FSHR: variants seen among roughly 807,000 people sequenced by gnomAD.
FSHR encodes follicle stimulating hormone receptor, also known as follicle-stimulating hormone receptor.
Under a neutral mutation model 52.1 loss-of-function variants are expected in FSHR, and 46 were observed. The ratio of observed to expected loss-of-function variants is 0.88; its 90% CI spans 0.70 to 1.13. The LOEUF (loss-of-function observed/expected upper bound fraction) is 1.13. Among genes scored for constraint, FSHR ranks in the 50% most tolerant of loss-of-function variants. FSHR has a pLI of 0.00. For missense variants in FSHR, 964 were observed against 834.6 expected (o/e 1.16, Z -1.91); for synonymous variants, 399 against 309.6 (o/e 1.29, Z -3.03).
At chr2:48,995,629 G>A (rs1391900864) in intron 4 of FSHR, among the ~76,000 whole-genome samples, 1 of 152,066 alleles carries the variant, frequency 6.6e-6, no homozygotes, top group Non-Finnish European at 1.5e-5. Context: ...CACTTTATGG[G>A]GCTGCAAGGG....
At chr2:49,096,750 G>A (rs1412965288) in intron 1 of FSHR, among the ~76,000 whole-genome samples, 1 of 152,096 alleles carries the variant, frequency 6.6e-6, no homozygotes, top group Non-Finnish European at 1.5e-5. Context: ...TTGGAGATGG[G>A]GCCTGGTGGG....
chr2:49,031,637 C>A (rs527594965), intron 2 of FSHR, among the ~76,000 whole-genome samples: 1 of 152,216 alleles, frequency 6.6e-6, no homozygotes, highest in East Asian at 1.9e-4. Flanking sequence ...GCTGTAGAAC[C>A]AATGGGTGAA....
chr2:48,982,568 C>T (rs1675299638), intron 8 of FSHR, among the ~76,000 whole-genome samples: 1 of 152,094 alleles, frequency 6.6e-6, no homozygotes, highest in South Asian at 2.1e-4. Flanking sequence ...GTGAATTAAC[C>T]TCTCCAGGGA....
At chr2:48,977,722 A>G (rs570007608) in intron 8 of FSHR, among the ~76,000 whole-genome samples, 1 of 152,214 alleles carries the variant, frequency 6.6e-6, no homozygotes, top group South Asian at 2.1e-4. Flanking sequence ...CTGTTTTCAC[A>G]TATATTTCTT....
At chr2:49,090,444 T>C (rs1006092389) in intron 1 of FSHR, among the ~76,000 whole-genome samples, 2 of 152,300 alleles carry the variant, frequency 1.3e-5, no homozygotes, top group African/African-American at 4.8e-5. Flanking sequence ...GGTCAATAAG[T>C]AGTTTGTTCC....
intron 1 of FSHR, among the ~76,000 whole-genome samples, chr2:49,137,435 G>A (rs1330163934): frequency 1.3e-5 from 2 of 152,080 alleles, no homozygotes; most frequent in South Asian, 4.1e-4. Flanking sequence ...TCTATAGGTT[G>A]AGTGCAATCC....
chr2:49,028,925 C>T lies in FSHR; in HGVS notation c.225-8765G>A, dbSNP rs1315299724. ...TCCCTGATATTTTGGAGTTTGTTGT[C>T]ATCTGTCCTACTCTAATATCTAAGG... is the stretch of plus-strand genomic sequence containing the variant. On this transcript the variant is annotated intron_variant, in intron 2 of 9. Coordinates refer to ENST00000406846, the MANE Select transcript of FSHR (RefSeq NM_000145.4). Among the ~76,000 whole-genome samples the T allele has an allele frequency of 2.6e-5, 4 of 152,192 alleles. No homozygotes were observed. The East Asian group carries it at 5.8e-4, about 22-fold the overall frequency.
chr2:49,091,479 T>C (rs373544973), intron 1 of FSHR, among the ~76,000 whole-genome samples: 14 of 152,114 alleles, frequency 9.2e-5, no homozygotes, highest in East Asian at 1.9e-4. Context: ...ATATTTTTTG[T>C]AGAGATGGGG....
intron 1 of FSHR, among the ~76,000 whole-genome samples, chr2:49,154,001 A>G (rs1673153592): frequency 6.6e-6 from 1 of 152,172 alleles, no homozygotes; most frequent in Admixed American, 6.5e-5. Flanking sequence ...TGCATTGAAA[A>G]GACAAAACTT....
rs150110441 is a variant in FSHR at position 49,021,239 on chromosome 2, C to T, written c.225-1079G>A. ...ACAGAAAAGATTCCTCAGGTCTCAG[C>T]GTTTTTTTCTCCCAGAGTAATTTGA... On this transcript the variant is annotated intron_variant, in intron 2 of 9. Coordinates refer to ENST00000406846, the MANE Select transcript of FSHR (RefSeq NM_000145.4). Among the ~76,000 whole-genome samples the T allele has an allele frequency of 5.6e-4, 86 of 152,278 alleles. No individual in the cohort carries two copies. In the East Asian group the frequency reaches 0.012, roughly 22 times the overall value.
intron 1 of FSHR, among the ~76,000 whole-genome samples, chr2:49,110,686 C>T (rs1001509050): frequency 1.1e-4 from 17 of 152,050 alleles, no homozygotes; most frequent in African/African-American, 3.9e-4. Flanking sequence ...GTCAATTTTT[C>T]ACAATTTCCC....
chr2:49,118,935 AC>A (rs1671701685), intron 1 of FSHR, among the ~76,000 whole-genome samples: 1 of 152,212 alleles, frequency 6.6e-6, no homozygotes, highest in African/African-American at 2.4e-5. Context: ...TTGACTATGT[AC>A]TTTTTGCTTT....
chr2:49,055,531 C>CAAAAAAAAAAA (rs75665223), intron 2 of FSHR, among the ~76,000 whole-genome samples: 17 of 51,142 alleles, frequency 3.3e-4, no homozygotes, highest in Non-Finnish European at 5.2e-4. Context: ...CCAGGAAGCT[C>CAAAAAAAAAAA]AAAAAAAAAA....
intron 2 of FSHR, among the ~76,000 whole-genome samples, chr2:49,063,817 G>A (rs566747576): frequency 1.3e-5 from 2 of 152,148 alleles, no homozygotes; most frequent in South Asian, 4.1e-4. Context: ...ATGTAGAAGA[G>A]CAGATTTTGA....
chr2:49,016,009 A>C (rs1391567990), intron 4 of FSHR, among the ~76,000 whole-genome samples: 3 of 152,128 alleles, frequency 2.0e-5, no homozygotes, highest in Admixed American at 1.3e-4. Flanking sequence ...TAGCTGTCAG[A>C]GAGCAGAAGT....
At chr2:49,106,073 T>C (rs912443535) in intron 1 of FSHR, among the ~76,000 whole-genome samples, 1 of 152,158 alleles carries the variant, frequency 6.6e-6, no homozygotes, top group African/African-American at 2.4e-5. Context: ...AAGGAGGGAA[T>C]ATTTAAGAGG....
chr2:49,151,489 C>G (rs939031069), intron 1 of FSHR, among the ~76,000 whole-genome samples: 3 of 151,986 alleles, frequency 2.0e-5, no homozygotes, highest in Non-Finnish European at 4.4e-5. Context: ...ATGTGCAGAT[C>G]ATAGGAAATT....
chr2:49,133,182 C>T (rs1051172077), intron 1 of FSHR, among the ~76,000 whole-genome samples: 1 of 152,066 alleles, frequency 6.6e-6, no homozygotes. Flanking sequence ...TCCCAGCTGC[C>T]CGTTGCTGAG....
intron 9 of FSHR, among the ~76,000 whole-genome samples, chr2:48,967,849 G>C (rs1297450067): frequency 2.0e-5 from 3 of 152,190 alleles, no homozygotes; most frequent in Non-Finnish European, 4.4e-5. Context: ...TAGGAAAGCT[G>C]TATTAGTTCT....
Sources: gnomAD v4.1 joint callset for allele counts (sites outside exome capture counted in the v4.1 genomes callset) on GRCh38, gnomAD v4.1.1 for gene constraint, MANE v1.5 for transcripts, NCBI Gene and HGNC (gene_info 2026-07-23, HGNC 2026-07-21) for gene names.